Variants in UPF2 observed in about 807,000 individuals in gnomAD.
The protein encoded by UPF2 is UPF2 regulator of nonsense mediated mRNA decay.
UPF2 carries 17 observed loss-of-function variants against 141.4 expected under a neutral mutation model. That is an observed-to-expected ratio of 0.12 (90% CI 0.08 to 0.18). The LOEUF is 0.18. Ranked by LOEUF, UPF2 falls within the 10% of genes least tolerant of loss-of-function variation. The probability of loss-of-function intolerance (pLI) is 1.00; values close to 1 mark genes in which losing one functional copy is unlikely to be tolerated. For missense variants in UPF2, 1,152 were observed against 1,515.9 expected (o/e 0.76, Z 3.99); for synonymous variants, 540 against 498.0 (o/e 1.08, Z -1.12).
At chr10:11,932,467 G>A (rs1832794846) in intron 19 of UPF2, among the ~76,000 whole-genome samples, 2 of 151,848 alleles carry the variant, frequency 1.3e-5, no homozygotes, top group African/African-American at 4.8e-5. Context: ...TCTTCTAAAG[G>A]GAAACAATTA....
At position 11,936,589 on chromosome 10, in the gene UPF2, T is replaced by C. The variant is rs1832853778; in HGVS notation, c.3502A>G (p.Thr1168Ala). ...CTTGTTAACATGACAAACGGCATTG[T>C]GTCTGCAGACTCAGCCTCTCCTTCC... is the stretch of plus-strand genomic sequence containing the variant. ...GGEGEAESAD[T>A]MPFVMLTRKG... The change falls in exon 19 of 22, where the codon ACA becomes GCA. Residue 1168 changes from threonine (T) to alanine (A), a missense_variant. Thr to Ala is a moderately conservative substitution (Grantham distance 58). This residue lies in a region of UPF2 where 202 missense variants were observed against 223.6 expected (regional missense o/e 0.90). Coordinates refer to ENST00000357604, the MANE Select transcript of UPF2 (RefSeq NM_015542.4). This position sits in a 1 kb window ranked among gnomAD's most constrained non-coding sequence, Gnocchi z 6.6. 1 of 1,611,812 alleles carries C rather than the reference T, an allele frequency of 6.2e-7. No homozygotes were observed. Among genetic ancestry groups the C allele is most frequent in the African/African-American group, 1.3e-5 (1 of 74,898 alleles).
At position 11,936,235 on chromosome 10, in the gene UPF2, T is replaced by C. The variant is rs1832848247; in HGVS notation, c.3546+310A>G. 6.6e-6 allele frequency among the ~76,000 whole-genome samples: 1 copy of C among 151,916 alleles called. No homozygotes were observed. The highest frequency in any genetic ancestry group is 2.4e-5 in the African/African-American group (1 of 41,366). ...AAATACAAAAATTAGCCGGGCGTCA[T>C]GGTGGACGCCTGTAATCCCAGCTAC... On this transcript the variant is annotated intron_variant, in intron 19 of 21. Coordinates refer to ENST00000357604, the MANE Select transcript of UPF2 (RefSeq NM_015542.4). The surrounding 1 kb of genome is among the most constrained non-coding windows in gnomAD (Gnocchi z 6.6).
In UPF2 at chr10:11,931,784, TG is replaced by T. The variant is rs1832784534; in HGVS notation, c.3547-3del. The stretch of plus-strand genomic sequence containing the variant: ...CATGGGTACATTAAGGATCTTAAAC[TG>T]GGAGAAAATAACAAAGGAGTTACAA... On this transcript the variant is annotated splice_region_variant and splice_polypyrimidine_tract_variant and intron_variant, in intron 19 of 21. Transcript: ENST00000357604. The surrounding 1 kb of genome is among the most constrained non-coding windows in gnomAD (Gnocchi z 5.9). 6.3e-7 allele frequency: 1 copy of T among 1,586,900 alleles called. No homozygotes were observed. Among genetic ancestry groups the T allele is most frequent in the South Asian group, 1.2e-5 (1 of 85,494 alleles).
intron 4 of UPF2, among the ~76,000 whole-genome samples, chr10:12,007,538 T>C (rs552190759): frequency 6.6e-6 from 1 of 152,176 alleles, no homozygotes; most frequent in South Asian, 2.1e-4. Context: ...ATAAAAAATA[T>C]AATTTCCGTC....
intron 4 of UPF2, among the ~76,000 whole-genome samples, chr10:12,010,924 T>C (rs183022152): frequency 3.3e-5 from 5 of 151,530 alleles, no homozygotes; most frequent in Admixed American, 3.3e-4. Flanking sequence ...GACAGAGGAG[T>C]AACATCTTTA....
intron 2 of UPF2, among the ~76,000 whole-genome samples, chr10:12,032,690 A>G (rs1371952237): frequency 6.6e-6 from 1 of 151,118 alleles, no homozygotes; most frequent in African/African-American, 2.4e-5. Flanking sequence ...GTGAGCCAAG[A>G]CCAGGCCACT....
At chr10:12,013,704 G>C (rs546472517) in intron 4 of UPF2, among the ~76,000 whole-genome samples, 1 of 152,204 alleles carries the variant, frequency 6.6e-6, no homozygotes, top group African/African-American at 2.4e-5. Context: ...CTTCCATTCA[G>C]GGATCATTTC....
chr10:11,982,569 C>G (rs140434709), intron 8 of UPF2, among the ~76,000 whole-genome samples: 1 of 152,184 alleles, frequency 6.6e-6, no homozygotes, highest in Non-Finnish European at 1.5e-5. Context: ...TGACCCGTTC[C>G]GAATACTCCA....
intron 3 of UPF2, chr10:12,026,767 C>G: frequency 2.4e-6 from 1 of 410,330 alleles, no homozygotes; most frequent in South Asian, 1.8e-5. Context: ...TCTCCTGCCT[C>G]AGTCCCCCAC....
At chr10:12,004,778 G>C in intron 4 of UPF2, 51 bp from the exon 5 acceptor site, 1 of 1,538,846 alleles carries the variant, frequency 6.5e-7, no homozygotes, top group South Asian at 1.2e-5. Flanking sequence ...GTTATAGCAT[G>C]ATAAACATGA....
intron 21 of UPF2, among the ~76,000 whole-genome samples, chr10:11,925,144 A>G (rs528788290): frequency 6.6e-6 from 1 of 152,300 alleles, no homozygotes; most frequent in South Asian, 2.1e-4. Flanking sequence ...AAAAAAGGCA[A>G]AGAACATCTG....
In UPF2 at chr10:12,012,660, G is replaced by A. The variant is rs916014962; in HGVS notation, c.1306+1364C>T. 9.2e-5 allele frequency among the ~76,000 whole-genome samples: 14 copies of A among 151,902 alleles called. 1 individual carries two copies. The highest frequency in any genetic ancestry group is 2.1e-4 in the South Asian group (1 of 4,818). On this transcript the variant is annotated intron_variant, in intron 4 of 21. Transcript: ENST00000357604. The stretch of plus-strand genomic sequence containing the variant: ...TAAAAACACAAAAACTTAGGTGGGC[G>A]TGGTGGTGGGTGCCTGTAGTCCCAG...
chr10:11,976,553 T>A (rs2131222749), intron 9 of UPF2, among the ~76,000 whole-genome samples: 1 of 152,310 alleles, frequency 6.6e-6, no homozygotes, highest in African/African-American at 2.4e-5. Flanking sequence ...ATGAATTTGG[T>A]TTGGGGACTA....
intron 3 of UPF2, among the ~76,000 whole-genome samples, chr10:12,017,068 G>A (rs182269002): frequency 1.3e-5 from 2 of 150,956 alleles, no homozygotes; most frequent in African/African-American, 4.9e-5. Flanking sequence ...AATGTTAACA[G>A]GTAAAAATTG....
At chr10:12,030,723 A>G (rs1834505169) in intron 2 of UPF2, among the ~76,000 whole-genome samples, 1 of 151,108 alleles carries the variant, frequency 6.6e-6, no homozygotes, top group African/African-American at 2.4e-5. Context: ...CTCTACTAAA[A>G]ATAACAAAAA....
At chr10:12,037,402 CTTTTTTT>C (rs59226793) in intron 1 of UPF2, among the ~76,000 whole-genome samples, 2 of 122,286 alleles carry the variant, frequency 1.6e-5, no homozygotes, top group East Asian at 2.4e-4. Flanking sequence ...TTTTGTTTTT[CTTTTTTT>C]TTTTTTTTTT....
At chr10:11,999,616 T>G (rs1833922190) in intron 7 of UPF2, among the ~76,000 whole-genome samples, 1 of 151,798 alleles carries the variant, frequency 6.6e-6, no homozygotes. Flanking sequence ...TCAAAGCCAT[T>G]AAAAATCCAG....
At chr10:11,974,865 G>A (rs1012803238) in intron 9 of UPF2, among the ~76,000 whole-genome samples, 2 of 152,064 alleles carry the variant, frequency 1.3e-5, no homozygotes, top group Non-Finnish European at 2.9e-5. Context: ...GTAGGGAGGG[G>A]AAACTGAAAA....
At chr10:12,000,240 T>C (rs1326212532) in intron 6 of UPF2, among the ~76,000 whole-genome samples, 2 of 152,198 alleles carry the variant, frequency 1.3e-5, no homozygotes, top group African/African-American at 2.4e-5. Context: ...CTTTTTGCAT[T>C]AGGCACAAAA....
Sources: gnomAD v4.1 joint callset for allele counts (sites outside exome capture counted in the v4.1 genomes callset) on GRCh38, gnomAD v4.1.1 for gene constraint, gnomAD v4.1.1 regional missense constraint, Gnocchi (gnomAD v3.1) non-coding constraint, MANE v1.5 for transcripts, NCBI Gene and HGNC (gene_info 2026-07-23, HGNC 2026-07-21) for gene names.